The following IL1RAPL2 variants were observed in gnomAD, a reference collection of about 807,000 sequenced individuals.
IL1RAPL2 encodes the protein X-linked interleukin-1 receptor accessory protein-like 2.
A neutral mutation model predicts 44.1 loss-of-function variants in IL1RAPL2; 3 were observed. The ratio of observed to expected loss-of-function variants is 0.07; its 90% CI spans 0.03 to 0.18. The LOEUF (loss-of-function observed/expected upper bound fraction) is 0.18, where lower values mean the gene tolerates loss of function less well. IL1RAPL2 is among the 10% of genes least tolerant of loss of function. IL1RAPL2 has a pLI of 1.00. For synonymous variants in IL1RAPL2, 181 were observed against 178.8 expected (o/e 1.01, Z -0.10); for missense variants, 391 against 496.4 (o/e 0.79, Z 2.02).
intron 5 of IL1RAPL2, among the ~76,000 whole-genome samples, chrX:105,383,802 A>T (rs2035455570): frequency 8.9e-6 from 1 of 112,053 alleles, no homozygotes; most frequent in African/African-American, 3.2e-5. Context: ...AGCCCATTTT[A>T]ACTGCAGTGA....
intron 6 of IL1RAPL2, among the ~76,000 whole-genome samples, chrX:105,639,449 C>A (rs1320127468): frequency 9.1e-6 from 1 of 110,428 alleles, no homozygotes; most frequent in Non-Finnish European, 1.9e-5. Context: ...CAGAATGTCA[C>A]CATTAAGGTG....
intron 1 of IL1RAPL2, among the ~76,000 whole-genome samples, chrX:104,644,017 G>A (rs1457764987): frequency 9.0e-6 from 1 of 111,364 alleles, no homozygotes; most frequent in Non-Finnish European, 1.9e-5. Context: ...AAAGTTTTTT[G>A]GCATGGTGGT....
intron 1 of IL1RAPL2, among the ~76,000 whole-genome samples, chrX:104,636,100 G>C (rs1449858737): frequency 8.9e-6 from 1 of 112,055 alleles, no homozygotes; most frequent in South Asian, 3.7e-4. Context: ...GAATTTTCTG[G>C]AGGTCCACTC....
rs771731133 is a variant in IL1RAPL2 at position 104,713,927 on chromosome X, C to G, written c.82+54932C>G. ...GAGAGAAGCCGAGAAATAAGTCTTC[C>G]ATGTTTCCAGAAGGAGAGGAGAATT... On this transcript the variant is annotated intron_variant, in intron 2 of 10. Transcript: ENST00000372582. Among the ~76,000 whole-genome samples the G allele has an allele frequency of 5.4e-5, 6 of 111,019 alleles. No homozygotes were observed. The East Asian group carries it at 1.7e-3, about 32-fold the overall frequency.
chrX:104,980,605 C>T (rs943375930), intron 2 of IL1RAPL2, among the ~76,000 whole-genome samples: 2 of 112,279 alleles, frequency 1.8e-5, no homozygotes, highest in Non-Finnish European at 1.9e-5. Context: ...CTTTTAAAAT[C>T]CTTTAAGTGG....
intron 2 of IL1RAPL2, among the ~76,000 whole-genome samples, chrX:104,798,277 A>G (rs781689524): frequency 1.8e-5 from 2 of 110,736 alleles, no homozygotes; most frequent in South Asian, 7.7e-4. Context: ...GAGTCAGTCT[A>G]AGTATAATTA....
chrX:105,142,786 C>A (rs2033137704), intron 2 of IL1RAPL2, among the ~76,000 whole-genome samples: 1 of 109,514 alleles, frequency 9.1e-6, no homozygotes, highest in South Asian at 4.1e-4. Flanking sequence ...CCTACCCTCA[C>A]CCCACAACAG....
At chrX:105,715,079 CA>C (rs2038245710) in intron 6 of IL1RAPL2, among the ~76,000 whole-genome samples, 1 of 112,050 alleles carries the variant, frequency 8.9e-6, no homozygotes, top group African/African-American at 3.2e-5. Context: ...GCATGTGGTT[CA>C]GGGCACTCTC....
At chrX:105,408,483 G>A (rs7062150) in intron 5 of IL1RAPL2, among the ~76,000 whole-genome samples, 7,948 of 110,045 alleles carry the variant, frequency 0.072, 740 homozygotes, top group African/African-American at 0.25. Context: ...TAGTATTTAC[G>A]TAGCTTATTC....
intron 2 of IL1RAPL2, among the ~76,000 whole-genome samples, chrX:105,174,333 A>G (rs2033453283): frequency 2.7e-5 from 3 of 111,713 alleles, no homozygotes; most frequent in Admixed American, 1.9e-4. Context: ...ACCTTATCCA[A>G]GTATATATTG....
intron 6 of IL1RAPL2, among the ~76,000 whole-genome samples, chrX:105,616,698 T>C (rs2037379180): frequency 9.0e-6 from 1 of 111,391 alleles, no homozygotes; most frequent in Non-Finnish European, 1.9e-5. Context: ...AATATGGGTG[T>C]GGCAGATATT....
At chrX:105,108,377 C>T (rs1194141707) in intron 2 of IL1RAPL2, among the ~76,000 whole-genome samples, 1 of 111,572 alleles carries the variant, frequency 9.0e-6, no homozygotes, top group Non-Finnish European at 1.9e-5. Context: ...GTTGCCCAGG[C>T]TGGAGTACAG....
intron 5 of IL1RAPL2, among the ~76,000 whole-genome samples, chrX:105,278,734 A>G (rs1399223709): frequency 8.9e-6 from 1 of 112,114 alleles, no homozygotes. Flanking sequence ...AAGCTAAGTT[A>G]CTTGTTATGA....
At chrX:104,633,846 A>T (rs189810407) in intron 1 of IL1RAPL2, among the ~76,000 whole-genome samples, 2 of 110,776 alleles carry the variant, frequency 1.8e-5, no homozygotes, top group East Asian at 5.7e-4. Context: ...TATTTCCTTC[A>T]GTTCTGCTCT....
intron 3 of IL1RAPL2, among the ~76,000 whole-genome samples, chrX:105,202,110 T>A (rs2033722655): frequency 8.9e-6 from 1 of 112,063 alleles, no homozygotes; most frequent in African/African-American, 3.2e-5. Context: ...ATTAGATATG[T>A]TGTAATGTTT....
At chrX:104,660,924 C>A (rs145091585) in intron 2 of IL1RAPL2, among the ~76,000 whole-genome samples, 2,170 of 95,649 alleles carry the variant, frequency 0.023, 57 homozygotes, top group African/African-American at 0.087. Flanking sequence ...CAGAACCAGA[C>A]CCTGTCTATA....
chrX:105,339,192 A>G (rs1320531425), intron 5 of IL1RAPL2, among the ~76,000 whole-genome samples: 2 of 112,231 alleles, frequency 1.8e-5, no homozygotes, highest in South Asian at 3.7e-4. Context: ...TTGTGCTAGT[A>G]TCTAGCCCAT....
chrX:104,608,952 G>A (rs993108013), intron 1 of IL1RAPL2, among the ~76,000 whole-genome samples: 1 of 111,496 alleles, frequency 9.0e-6, no homozygotes, highest in African/African-American at 3.3e-5. Flanking sequence ...TGCATCTATG[G>A]TCTTTACAAT....
intron 2 of IL1RAPL2, among the ~76,000 whole-genome samples, chrX:105,120,991 G>T (rs1424284728): frequency 9.0e-6 from 1 of 111,435 alleles, no homozygotes; most frequent in Non-Finnish European, 1.9e-5. Context: ...GATGGATGCT[G>T]CCTTCTAAAC....
Sources: allele counts gnomAD v4.1 joint callset (sites outside exome capture counted in the v4.1 genomes callset), GRCh38; gene constraint gnomAD v4.1.1; transcripts MANE v1.5; gene names NCBI Gene and HGNC (gene_info 2026-07-23, HGNC 2026-07-21).